KIF1B: variants seen among roughly 807,000 people sequenced by gnomAD.
KIF1B encodes the protein kinesin-like protein KIF1B.
A neutral mutation model predicts 241.9 loss-of-function variants in KIF1B; 76 were observed. The ratio of observed to expected loss-of-function variants is 0.31; its 90% CI spans 0.26 to 0.38. The LOEUF is 0.38. KIF1B is among the 10% of genes least tolerant of loss of function. The pLI is 1.00. For missense variants in KIF1B, 1,622 were observed against 2,271.4 expected (o/e 0.71, Z 5.81); for synonymous variants, 750 against 796.7 (o/e 0.94, Z 0.99).
At position 10,379,518 on chromosome 1, in the gene KIF1B, T is replaced by G. The variant is rs187545867; in HGVS notation, c.*2931T>G. 4.3e-6 allele frequency: 1 copy of G among 231,942 alleles called. No homozygotes were observed. The highest frequency in any genetic ancestry group is 8.5e-6 in the Non-Finnish European group (1 of 117,152). 14.4% of individuals were successfully genotyped at this position (231,942 alleles called of 1,614,324 possible). On this transcript the variant is annotated 3_prime_UTR_variant, in exon 49 of 49. Transcript: ENST00000676179. ...CCCCACTGTGAGGCTGTGAGAGATTTGTGGCAGGAACTGTTTATGAGGCTC... is the reference window on the plus strand; with the variant it reads ...CCCCACTGTGAGGCTGTGAGAGATTGGTGGCAGGAACTGTTTATGAGGCTC...
chr1:10,234,816 C>T (rs1415465273), intron 2 of KIF1B, among the ~76,000 whole-genome samples: 1 of 151,656 alleles, frequency 6.6e-6, no homozygotes, highest in Admixed American at 6.6e-5. Context: ...GCCACTGTAC[C>T]CAGCCTCCCT....
rs574900961 is a variant in KIF1B at position 10,313,811 on chromosome 1, A to G, written c.2116-6232A>G. Among the ~76,000 whole-genome samples, 13 of 151,364 alleles carry G rather than the reference A, an allele frequency of 8.6e-5. 1 individual carries two copies. The highest frequency in any genetic ancestry group is 1.6e-4 in the Non-Finnish European group (11 of 68,000). ...GTGATCTGCCCACCTTGGCCTCCCA[A>G]AGTGTTGAGATTACAGGCGTGAGCC... On this transcript the variant is annotated intron_variant, in intron 22 of 48. Transcript: ENST00000676179.
rs1265477471 is a variant in KIF1B at position 10,210,877 on chromosome 1, A to G, written c.-81A>G. ...CGCCCGTCGGTCTGCAGCGCGGCTG[A>G]GGTAAGGCGGCGGGGCTGGCCGCGG... On this transcript the variant is annotated splice_region_variant and 5_prime_UTR_variant, in exon 1 of 49. Coordinates refer to ENST00000676179, the MANE Select transcript of KIF1B (RefSeq NM_001365951.3). This position sits in a 1 kb window ranked among gnomAD's most constrained non-coding sequence, Gnocchi z 4.1. 6.6e-6 allele frequency: 1 copy of G among 150,496 alleles called. No homozygotes were observed. The highest frequency in any genetic ancestry group is 1.9e-4 in the East Asian group (1 of 5,130). 9.3% of individuals were successfully genotyped at this position (150,496 alleles called of 1,614,324 possible).
chr1:10,325,452 A>G (rs1651691878), intron 26 of KIF1B, among the ~76,000 whole-genome samples: 1 of 152,194 alleles, frequency 6.6e-6, no homozygotes, highest in South Asian at 2.1e-4. Context: ...CAAATTTTCA[A>G]AGCAGGGAAA....
chr1:10,224,263 C>T (rs192254963), intron 1 of KIF1B, among the ~76,000 whole-genome samples: 44 of 152,220 alleles, frequency 2.9e-4, no homozygotes, highest in African/African-American at 7.5e-4. Flanking sequence ...TTTACAGGTG[C>T]GTGTCACCAC....
chr1:10,308,999 T>C (rs1358134720), intron 22 of KIF1B, among the ~76,000 whole-genome samples: 2 of 152,228 alleles, frequency 1.3e-5, no homozygotes, highest in Non-Finnish European at 2.9e-5. Context: ...ACTAAATTTC[T>C]AAAAAGTTTT....
rs749025158 is a variant in KIF1B, at chr1:10,365,317, C to T, written c.4512+72C>T. On this transcript the variant is annotated intron_variant, in intron 42 of 48. Transcript: ENST00000676179. This position sits in a 1 kb window ranked among gnomAD's most constrained non-coding sequence, Gnocchi z 4.0. ...TTGCCAAAGTATCAGTCTTCCTCCC[C>T]GCTGCTGCATGTGATCATAGCTTTT... The T allele has an allele frequency of 3.8e-5, 62 of 1,613,070 alleles. No individual in the cohort carries two copies. The highest frequency in any genetic ancestry group is 5.3e-5 in the African/African-American group (4 of 74,868).
intron 48 of KIF1B, 131 bp from the exon 49 acceptor site, chr1:10,376,414 G>C (rs900067123): frequency 1.2e-6 from 1 of 858,882 alleles, no homozygotes; most frequent in African/African-American, 1.7e-5. Context: ...CGGAGTAGAC[G>C]GCTTAGAGGA....
rs187125199 is a variant in KIF1B, at chr1:10,252,319, C to T, written c.107-3928C>T. Among the ~76,000 whole-genome samples the T allele has an allele frequency of 2.0e-3, 307 of 150,834 alleles. 2 individuals carry two copies. Among genetic ancestry groups the T allele is most frequent in the African/African-American group, 6.9e-3 (284 of 41,126 alleles). ...CCTCCCAAAGTGCTGGGATTACAGG[C>T]GTGAGTGACCGTGCCCAGCCATCAG... On this transcript the variant is annotated intron_variant, in intron 2 of 48. Coordinates refer to ENST00000676179, the MANE Select transcript of KIF1B (RefSeq NM_001365951.3).
In KIF1B at chr1:10,303,133, G is replaced by A; in HGVS notation, c.2115+5887G>A. On this transcript the variant is annotated intron_variant, in intron 22 of 48. Coordinates refer to ENST00000676179, the MANE Select transcript of KIF1B (RefSeq NM_001365951.3). This position sits in a 1 kb window ranked among gnomAD's most constrained non-coding sequence, Gnocchi z 5.2. ...TTACATTTTAATTTTGGTTATTTTG[G>A]GGCCATTTTTTGATTTTGTTTTTCC... 1 of 1,585,912 alleles carries A rather than the reference G, an allele frequency of 6.3e-7. No individual in the cohort carries two copies. The highest frequency in any genetic ancestry group is 8.6e-7 in the Non-Finnish European group (1 of 1,167,892).
At chr1:10,286,256 T>C (rs1000688935) in intron 15 of KIF1B, among the ~76,000 whole-genome samples, 4 of 152,162 alleles carry the variant, frequency 2.6e-5, no homozygotes. Context: ...GCCAGGCTGG[T>C]CTCAAACTTC....
intron 45 of KIF1B, among the ~76,000 whole-genome samples, chr1:10,373,191 C>T (rs1638794277): frequency 6.6e-6 from 1 of 151,694 alleles, no homozygotes; most frequent in Non-Finnish European, 1.5e-5. Flanking sequence ...GGTCTCCTGA[C>T]CTCATGATCT....
Position 10,337,190 on chromosome 1 carries a change from A to G in KIF1B, c.3246A>G (p.Arg1082=). Residue 1082 remains arginine, a synonymous_variant, in exon 30 of 49, where the codon CGA becomes CGG. Transcript: ENST00000676179. This position sits in a 1 kb window ranked among gnomAD's most constrained non-coding sequence, Gnocchi z 4.0. The part of the protein sequence containing the change: ...EVITPPEEIS[R]INDLDLKSST... ...TCACTCCTCCAGAAGAAATCAGTCGAATTAATGACTTGGGTATGTAGACAT... is the reference window on the plus strand; with the variant it reads ...TCACTCCTCCAGAAGAAATCAGTCGGATTAATGACTTGGGTATGTAGACAT... The G allele has an allele frequency of 6.2e-7, 1 of 1,614,188 alleles. No homozygotes were observed. The highest frequency in any genetic ancestry group is 8.5e-7 in the Non-Finnish European group (1 of 1,180,034).
rs753399361 is a variant in KIF1B, at chr1:10,296,638, G to C, written c.1834G>C (p.Val612Leu). The C allele has an allele frequency of 8.1e-6, 13 of 1,613,862 alleles. 1 individual carries two copies. In the South Asian group the frequency reaches 1.4e-4, roughly 18 times the overall value. The change falls in exon 20 of 49, where the codon GTG (valine) becomes CTG (leucine). Residue 612 changes from valine (V) to leucine (L), a missense_variant. By Grantham distance (32) the Val-to-Leu change is conservative (BLOSUM62 1). Around this residue, in one of 7 missense-constraint regions of KIF1B, gnomAD observed 803 missense variants for 1,112.0 expected, o/e 0.72. Coordinates refer to ENST00000676179, the MANE Select transcript of KIF1B (RefSeq NM_001365951.3). ...RSETYVNGKR[V>L]SQPVQLRSGN... ...AGAAACCTACGTAAATGGCAAGAGG[G>C]TGTCCCAGCCTGTTCAGCTGCGCTC... is the stretch of plus-strand genomic sequence containing the variant.
chr1:10,304,772 A>T, intron 22 of KIF1B: 1 of 1,535,878 alleles, frequency 6.5e-7, no homozygotes, highest in South Asian at 1.2e-5. Context: ...AACTGGTTTT[A>T]TATTGTTAAG....
At chr1:10,268,338 C>A in intron 7 of KIF1B, 75 bp downstream of exon 7, 1 of 984,610 alleles carries the variant, frequency 1.0e-6, no homozygotes, top group Non-Finnish European at 1.6e-6. Context: ...TTGCCCTCTG[C>A]TTTTTGTGGA....
rs186818521 is a variant in KIF1B, at chr1:10,233,700, C to T, written c.106+1266C>T. On this transcript the variant is annotated intron_variant, in intron 2 of 48. Coordinates refer to ENST00000676179, the MANE Select transcript of KIF1B (RefSeq NM_001365951.3). ...GAACTTTATGGTATATAAATTGTAT[C>T]TCAATAAAGCTTTTTTTTTTTTTTC... Among the ~76,000 whole-genome samples, 1,046 of 143,960 alleles carry T rather than the reference C, an allele frequency of 7.3e-3. 11 individuals carry two copies. The highest frequency in any genetic ancestry group is 9.1e-3 in the Non-Finnish European group (613 of 67,126). The allele number at this position is 143,960 out of a possible 152,430, so 94.4% of individuals were successfully genotyped here. A position where few individuals can be genotyped will look rare whatever the true frequency, so the allele number is the denominator to read the frequency against.
At chr1:10,267,272 C>T in intron 5 of KIF1B, 108 bp from the exon 6 acceptor site, 1 of 862,246 alleles carries the variant, frequency 1.2e-6, no homozygotes, top group Non-Finnish European at 1.9e-6. Context: ...AAGTGATCCG[C>T]CCTCCTTGGC....
chr1:10,250,554 A>T (rs1196645775), intron 2 of KIF1B, among the ~76,000 whole-genome samples: 1 of 152,172 alleles, frequency 6.6e-6, no homozygotes, highest in African/African-American at 2.4e-5. Context: ...TGTTTAGAAT[A>T]TTAAGCCAGG....
Sources: gnomAD v4.1 joint callset for allele counts (sites outside exome capture counted in the v4.1 genomes callset) on GRCh38, gnomAD v4.1.1 for gene constraint, gnomAD v4.1.1 regional missense constraint, Gnocchi (gnomAD v3.1) non-coding constraint, MANE v1.5 for transcripts, NCBI Gene and HGNC (gene_info 2026-07-23, HGNC 2026-07-21) for gene names.